TP63: variants seen among roughly 807,000 people sequenced by gnomAD.
The protein encoded by TP63 is tumor protein p63, also known as tumor protein 63.
TP63 carries 17 observed loss-of-function variants against 82.8 expected under a neutral mutation model. The ratio of observed to expected loss-of-function variants is 0.21; its 90% CI spans 0.14 to 0.31. The LOEUF is 0.31. Ranked by LOEUF, TP63 falls within the 10% of genes least tolerant of loss-of-function variation. The pLI is 1.00. For synonymous variants in TP63, 330 were observed against 321.7 expected (o/e 1.03, Z -0.28); for missense variants, 648 against 895.3 (o/e 0.72, Z 3.52).
intron 4 of TP63, among the ~76,000 whole-genome samples, chr3:189,841,908 G>A (rs1233777694): frequency 3.3e-5 from 5 of 152,198 alleles, no homozygotes; most frequent in Admixed American, 2.6e-4. Flanking sequence ...GGACCAGGGG[G>A]TAAAACATAT....
At chr3:189,722,709 A>T (rs1398356708) in intron 1 of TP63, among the ~76,000 whole-genome samples, 3 of 152,222 alleles carry the variant, frequency 2.0e-5, no homozygotes, top group Non-Finnish European at 4.4e-5. Context: ...TAAAACACCA[A>T]CTTTCTCATG....
At chr3:189,768,098 C>T (rs958961748) in intron 3 of TP63, among the ~76,000 whole-genome samples, 7 of 152,200 alleles carry the variant, frequency 4.6e-5, no homozygotes, top group South Asian at 2.1e-4. Flanking sequence ...TCAAACCCCC[C>T]GCGTGTATGA....
In TP63 at chr3:189,865,984, A is replaced by C. The variant is rs1717676006; in HGVS notation, c.767-698A>C. Among the ~76,000 whole-genome samples the C allele has an allele frequency of 2.0e-5, 3 of 152,186 alleles. No individual in the cohort carries two copies. In the South Asian group the frequency reaches 6.2e-4, roughly 32 times the overall value. On this transcript the variant is annotated intron_variant, in intron 5 of 13. Coordinates refer to ENST00000264731, the MANE Select transcript of TP63 (RefSeq NM_003722.5). The stretch of plus-strand genomic sequence containing the variant: ...TATTGAATGGTTTTTGTAGACTGGG[A>C]CTATAGGACCTAAGAGCTGTTAAAA...
intron 4 of TP63, among the ~76,000 whole-genome samples, chr3:189,823,081 T>A (rs1280062530): frequency 6.6e-6 from 1 of 152,156 alleles, no homozygotes; most frequent in Non-Finnish European, 1.5e-5. Flanking sequence ...AGATACAGAT[T>A]GACTGCAATT....
chr3:189,703,427 A>AATAGATAGATAGATAGATAGATAG (rs58784734), intron 1 of TP63, among the ~76,000 whole-genome samples: 2,995 of 143,222 alleles, frequency 0.021, 53 homozygotes, highest in East Asian at 0.036. Context: ...CCCTGTCTAA[A>AATAGATAGATAGATAGATAGATAG]ATAGATAGAT....
At position 189,762,311 on chromosome 3, in the gene TP63, CAG is replaced by C. The variant is rs530337436; in HGVS notation, c.324+23540_324+23541del. On this transcript the variant is annotated intron_variant, in intron 3 of 13. Coordinates refer to ENST00000264731, the MANE Select transcript of TP63 (RefSeq NM_003722.5). ...CTTCTTTATCTGTTATTTGGTATGT[CAG>C]AGTCGTGGTGTTTAAGGTTCAGGGA... is the stretch of plus-strand genomic sequence containing the variant. Among the ~76,000 whole-genome samples the C allele has an allele frequency of 1.6e-3, 237 of 152,158 alleles. 2 individuals carry two copies. In the South Asian group the frequency reaches 0.031, roughly 20 times the overall value.
chr3:189,746,812 A>G (rs1721411065), intron 3 of TP63, among the ~76,000 whole-genome samples: 1 of 150,330 alleles, frequency 6.7e-6, no homozygotes, highest in African/African-American at 2.4e-5. Flanking sequence ...ATTTCAATAT[A>G]TTTTATATAC....
intron 4 of TP63, among the ~76,000 whole-genome samples, chr3:189,825,302 C>T (rs990308345): frequency 6.6e-5 from 10 of 152,286 alleles, no homozygotes; most frequent in South Asian, 2.1e-4. Flanking sequence ...CTAAACTATA[C>T]ACCCTGTTGG....
chr3:189,878,075 T>A (rs1264679305), intron 10 of TP63, among the ~76,000 whole-genome samples: 1 of 152,130 alleles, frequency 6.6e-6, no homozygotes, highest in Non-Finnish European at 1.5e-5. Flanking sequence ...CACTTTAAAG[T>A]CCTGTATCTT....
intron 3 of TP63, among the ~76,000 whole-genome samples, chr3:189,745,708 CAAAAAAAAAAAA>C (rs71298529): frequency 1.7e-4 from 3 of 17,790 alleles, no homozygotes; most frequent in Admixed American, 2.2e-3. Context: ...AACTCCATCT[CAAAAAAAAAAAA>C]AAAAAAAAAA....
chr3:189,837,624 C>T (rs1713345977), intron 4 of TP63, among the ~76,000 whole-genome samples: 3 of 151,854 alleles, frequency 2.0e-5, no homozygotes, highest in Admixed American at 2.0e-4. Flanking sequence ...TAAGGGAATC[C>T]CATGCAATAG....
intron 1 of TP63, chr3:189,645,438 A>G (rs911451190): frequency 1.9e-5 from 7 of 368,350 alleles, no homozygotes; most frequent in African/African-American, 1.5e-4. Flanking sequence ...CAGCTGGTCT[A>G]TTTCTAGGAT....
intron 3 of TP63, among the ~76,000 whole-genome samples, chr3:189,746,730 C>T (rs941208272): frequency 1.3e-5 from 2 of 151,144 alleles, no homozygotes; most frequent in Non-Finnish European, 3.0e-5. Context: ...ATATACTTTC[C>T]ACTCAAAAGA....
intron 4 of TP63, among the ~76,000 whole-genome samples, chr3:189,853,270 GT>G (rs1444352126): frequency 6.6e-6 from 1 of 152,156 alleles, no homozygotes; most frequent in Non-Finnish European, 1.5e-5. Flanking sequence ...GACCACATCA[GT>G]TGCTCAAGCC....
At chr3:189,709,974 G>A (rs553335629) in intron 1 of TP63, among the ~76,000 whole-genome samples, 70 of 152,264 alleles carry the variant, frequency 4.6e-4, no homozygotes, top group Non-Finnish European at 7.6e-4. Flanking sequence ...AATGCTTTGA[G>A]TTATTTAAAG....
intron 3 of TP63, among the ~76,000 whole-genome samples, chr3:189,785,916 T>C (rs1448093877): frequency 6.6e-6 from 1 of 152,010 alleles, no homozygotes; most frequent in Admixed American, 6.6e-5. Flanking sequence ...AGATTTGTTA[T>C]TAAAACATAG....
intron 4 of TP63, among the ~76,000 whole-genome samples, chr3:189,811,414 A>G (rs576600995): frequency 1.3e-5 from 2 of 152,290 alleles, no homozygotes; most frequent in African/African-American, 2.4e-5. Flanking sequence ...TTCTACTCAC[A>G]TATCACATGG....
At chr3:189,861,180 G>T (rs911019449) in intron 4 of TP63, among the ~76,000 whole-genome samples, 6 of 152,086 alleles carry the variant, frequency 3.9e-5, no homozygotes, top group African/African-American at 1.4e-4. Context: ...GGGATTACAG[G>T]CATGAGCCAC....
At chr3:189,616,773 A>G in the TP63 span, among the ~76,000 whole-genome samples, 4 of 152,164 alleles carry the variant, frequency 2.6e-5, no homozygotes, top group African/African-American at 9.7e-5. Context: ...TCAAGTTTTC[A>G]TTGCTTCCAT....
Sources: gnomAD v4.1 joint callset for allele counts (sites outside exome capture counted in the v4.1 genomes callset) on GRCh38, gnomAD v4.1.1 for gene constraint, MANE v1.5 for transcripts, NCBI Gene and HGNC (gene_info 2026-07-23, HGNC 2026-07-21) for gene names.